JAG1: variants seen among roughly 807,000 people sequenced by gnomAD.
JAG1 encodes protein jagged-1.
Under a neutral mutation model 148.7 loss-of-function variants are expected in JAG1, and 23 were observed. That is an observed-to-expected ratio of 0.15 (90% CI 0.11 to 0.22). JAG1 has a LOEUF of 0.22. Ranked by LOEUF, JAG1 falls within the 10% of genes least tolerant of loss-of-function variation. The probability of loss-of-function intolerance (pLI) is 1.00; values close to 1 mark genes in which losing one functional copy is unlikely to be tolerated. For missense variants in JAG1, 1,054 were observed against 1,611.2 expected (o/e 0.65, Z 5.92); for synonymous variants, 572 against 598.3 (o/e 0.96, Z 0.64).
intron 2 of JAG1, among the ~76,000 whole-genome samples, chr20:10,671,135 C>G (rs1407889720): frequency 1.3e-5 from 2 of 152,196 alleles, no homozygotes; most frequent in Non-Finnish European, 1.5e-5. Context: ...GTGGAACCAC[C>G]TGCAGGCCCC....
intron 4 of JAG1, among the ~76,000 whole-genome samples, chr20:10,657,527 C>G (rs948609551): frequency 6.6e-6 from 1 of 152,164 alleles, no homozygotes; most frequent in African/African-American, 2.4e-5. Context: ...CCCGGGAGAG[C>G]TGTAAATTCC....
rs1047440501 is a variant in JAG1, at chr20:10,657,361, A to C, written c.695-903T>G. On this transcript the variant is annotated intron_variant, in intron 4 of 25. Coordinates refer to ENST00000254958, the MANE Select transcript of JAG1 (RefSeq NM_000214.3). ...TGAGCACCTTATCTTAAAAAAAAAA[A>C]AAAACACCAAACAAAAAACCCACAC... Among the ~76,000 whole-genome samples, 5 of 151,748 alleles carry C rather than the reference A, an allele frequency of 3.3e-5. No homozygotes were observed. The South Asian group carries it at 1.0e-3, about 31-fold the overall frequency.
intron 11 of JAG1, 123 bp downstream of exon 11, chr20:10,648,938 C>A: frequency 1.0e-6 from 1 of 964,172 alleles, no homozygotes; most frequent in South Asian, 1.4e-5. Context: ...GCGAAACTTC[C>A]AAGAGACTCT....
rs1468541114 is a variant in JAG1, at chr20:10,639,094, T to C, written c.*404A>G. 2 of 234,028 alleles carry C rather than the reference T, an allele frequency of 8.5e-6. No homozygotes were observed. The highest frequency in any genetic ancestry group is 4.4e-5 in the African/African-American group (2 of 45,472). 14.5% of individuals were successfully genotyped at this position (234,028 alleles called of 1,614,324 possible). The stretch of plus-strand genomic sequence containing the variant: ...GCACTTTCAAATACAGAACTACTTG[T>C]ACGTCATCATAAAACCAATATACAA... On this transcript the variant is annotated 3_prime_UTR_variant, in exon 26 of 26. Coordinates refer to ENST00000254958, the MANE Select transcript of JAG1 (RefSeq NM_000214.3).
rs752883995 is a variant in JAG1, at chr20:10,645,811, T to A, written c.1999+160A>T. The A allele has an allele frequency of 1.4e-6, 1 of 696,412 alleles. No individual in the cohort carries two copies. The highest frequency in any genetic ancestry group is 2.6e-6 in the Non-Finnish European group (1 of 385,182). 43.1% of individuals were successfully genotyped at this position (696,412 alleles called of 1,614,324 possible). Reference sequence around the variant, plus strand: ...CCCCATAAGCTATCATCAGGACTCATAAATGCAAATGAGACACAAGTGATA... The same window carrying A: ...CCCCATAAGCTATCATCAGGACTCAAAAATGCAAATGAGACACAAGTGATA... On this transcript the variant is annotated intron_variant, in intron 15 of 25. Transcript: ENST00000254958. This position sits in a 1 kb window ranked among gnomAD's most constrained non-coding sequence, Gnocchi z 6.1.
At chr20:10,663,088 CA>C (rs3833514) in intron 3 of JAG1, among the ~76,000 whole-genome samples, 13,817 of 150,812 alleles carry the variant, frequency 0.092, 702 homozygotes, top group South Asian at 0.18. Flanking sequence ...TGAAAGCAAA[CA>C]AAAAAAAATG....
intron 3 of JAG1, among the ~76,000 whole-genome samples, chr20:10,658,934 G>A (rs2067396061): frequency 6.6e-6 from 1 of 152,166 alleles, no homozygotes; most frequent in Non-Finnish European, 1.5e-5. Context: ...TTCATTGTCT[G>A]GAAACACCAA....
intron 3 of JAG1, among the ~76,000 whole-genome samples, chr20:10,662,683 G>A (rs2095333579): frequency 6.6e-6 from 1 of 152,080 alleles, no homozygotes; most frequent in African/African-American, 2.4e-5. Context: ...ACAAACAGGT[G>A]TCTATGACCC....
chr20:10,650,545 C>T (rs2122612042), intron 8 of JAG1, 185 bp from the exon 9 acceptor site: 1 of 590,234 alleles, frequency 1.7e-6, no homozygotes, highest in East Asian at 3.0e-5. Context: ...AGCTTTAAAT[C>T]CCCCACTGCC....
At chr20:10,640,956 T>C (rs1178740226) in intron 24 of JAG1, 23 bp from the exon 25 acceptor site, 2 of 1,613,784 alleles carry the variant, frequency 1.2e-6, no homozygotes, top group Admixed American at 3.3e-5. Context: ...TTGTCAGACT[T>C]GAGAGTCAGA....
chr20:10,671,266 A>G (rs1407917267), intron 2 of JAG1, among the ~76,000 whole-genome samples: 1 of 152,248 alleles, frequency 6.6e-6, no homozygotes, highest in East Asian at 1.9e-4. Flanking sequence ...TAGGGGATTA[A>G]CAAACAAGAT....
rs1240717045 is a variant in JAG1 at position 10,673,418 on chromosome 20, G to A, written c.81+32C>T. On this transcript the variant is annotated intron_variant, in intron 1 of 25. Coordinates refer to ENST00000254958, the MANE Select transcript of JAG1 (RefSeq NM_000214.3). The surrounding 1 kb of genome is among the most constrained non-coding windows in gnomAD (Gnocchi z 4.7). ...GCGCCGCGAGGGGAGGGAGAGGACG[G>A]CTGGGAGGGAGGCCCGGAGAAGGGC... The A allele has an allele frequency of 2.8e-6, 4 of 1,413,698 alleles. No individual in the cohort carries two copies. The highest frequency in any genetic ancestry group is 3.0e-5 in the African/African-American group (2 of 66,154). The allele number at this position is 1,413,698 out of a possible 1,614,324, so 87.6% of individuals were successfully genotyped here. A position where few individuals can be genotyped will look rare whatever the true frequency, so the allele number is the denominator to read the frequency against.
At position 10,647,018 on chromosome 20, in the gene JAG1, G is replaced by A. The variant is rs764290237; in HGVS notation, c.1806C>T (p.His602=). ...CTCCCGACTGACTCTTGCACTTCCC[G>A]TGAGGACCACAGACGTTGGAGGAAA... ...RYISSNVCGP[H]GKCKSQSGGK... is the part of the protein sequence containing the mutation. Residue 602 remains histidine (H), a synonymous_variant, in exon 14 of 26, where the codon CAC becomes CAT. Transcript: ENST00000254958. 199 of 1,614,044 alleles carry A rather than the reference G, an allele frequency of 1.2e-4. 2 individuals carry two copies. The highest frequency in any genetic ancestry group is 1.6e-4 in the Middle Eastern group (1 of 6,084).
At chr20:10,660,924 G>C (rs953483980) in intron 3 of JAG1, among the ~76,000 whole-genome samples, 1 of 152,188 alleles carries the variant, frequency 6.6e-6, no homozygotes, top group Non-Finnish European at 1.5e-5. Context: ...AGGTGATGAA[G>C]GGCGAGTCTG....
rs558870719 is a variant in JAG1, at chr20:10,669,515, CA to C, written c.387+3185del. Among the ~76,000 whole-genome samples, 5 of 111,046 alleles carry C rather than the reference CA, an allele frequency of 4.5e-5. No individual in the cohort carries two copies. In the South Asian group the frequency reaches 1.5e-3, roughly 33 times the overall value. The allele number at this position is 111,046 out of a possible 152,430, so 72.9% of individuals were successfully genotyped here. ...GAAGGGGGCCAAAGCTGGCATCCCT[CA>C]CACAGAAGAATCACGTTTCATTGGA... On this transcript the variant is annotated intron_variant, in intron 2 of 25. Coordinates refer to ENST00000254958, the MANE Select transcript of JAG1 (RefSeq NM_000214.3).
chr20:10,644,336 T>C, intron 19 of JAG1, 21 bp downstream of exon 19: 11 of 1,591,416 alleles, frequency 6.9e-6, no homozygotes, highest in Non-Finnish European at 9.5e-6. Context: ...GAGTGCTGGC[T>C]TAAAAGGATG....
chr20:10,648,351 C>T (rs993634001), intron 12 of JAG1, among the ~76,000 whole-genome samples, 198 bp downstream of exon 12: 9 of 152,096 alleles, frequency 5.9e-5, no homozygotes, highest in South Asian at 2.1e-4. Context: ...AACACAAAGA[C>T]GAAGACACTA....
In JAG1 at chr20:10,645,493, G is replaced by GGCTGA. The variant is rs756986401; in HGVS notation, c.2000-29_2000-25dup. The GGCTGA allele has an allele frequency of 1.3e-6, 2 of 1,579,444 alleles. No individual in the cohort carries two copies. Among genetic ancestry groups the GGCTGA allele is most frequent in the South Asian group, 2.2e-5 (2 of 90,412 alleles). On this transcript the variant is annotated intron_variant, in intron 15 of 25. Transcript: ENST00000254958. The surrounding 1 kb of genome is among the most constrained non-coding windows in gnomAD (Gnocchi z 6.1). ...ATCTAGAATCAAAGGGGAGACAATC[G>GGCTGA]GCTGAAGACGAGATCCAGGACCATT...
intron 2 of JAG1, among the ~76,000 whole-genome samples, chr20:10,669,546 C>CAAA (rs2067480436): frequency 1.2e-4 from 2 of 17,008 alleles, no homozygotes; most frequent in Non-Finnish European, 2.2e-4. Flanking sequence ...ATTGGATTTT[C>CAAA]CAAAAAAAAA....
Sources: gnomAD v4.1 joint callset for allele counts (sites outside exome capture counted in the v4.1 genomes callset) on GRCh38, gnomAD v4.1.1 for gene constraint, Gnocchi (gnomAD v3.1) non-coding constraint, MANE v1.5 for transcripts, NCBI Gene and HGNC (gene_info 2026-07-23, HGNC 2026-07-21) for gene names.